Variants in FSD1L observed in about 807,000 individuals in gnomAD.
FSD1L encodes the protein FSD1-like protein.
In FSD1L, 45 loss-of-function variants were observed where a neutral mutation model predicts 71.6. The observed-to-expected ratio is 0.63, with a 90% confidence interval of 0.49 to 0.81. The LOEUF (loss-of-function observed/expected upper bound fraction) is 0.81. FSD1L is among the 30% of genes least tolerant of loss of function. FSD1L has a pLI of 0.00. For missense variants in FSD1L, 561 were observed against 618.1 expected (o/e 0.91, Z 0.98); for synonymous variants, 197 against 207.2 (o/e 0.95, Z 0.42).
At chr9:105,503,054 T>C (rs1256589608) in intron 7 of FSD1L, among the ~76,000 whole-genome samples, 1 of 151,576 alleles carries the variant, frequency 6.6e-6, no homozygotes. Context: ...TAAATTTTTC[T>C]GATTTTTTTG....
intron 6 of FSD1L, among the ~76,000 whole-genome samples, chr9:105,482,267 A>G (rs1395118042): frequency 3.3e-5 from 5 of 152,202 alleles, no homozygotes; most frequent in Non-Finnish European, 1.5e-5. Flanking sequence ...ATAATAGCAC[A>G]TCTCTATAAC....
At position 105,545,616 on chromosome 9, in the gene FSD1L, G is replaced by C. The variant is rs148716833; in HGVS notation, c.1468-742G>C. Among the ~76,000 whole-genome samples the C allele has an allele frequency of 2.7e-4, 41 of 151,802 alleles. No homozygotes were observed. In the East Asian group the frequency reaches 7.9e-3, roughly 29 times the overall value. The stretch of plus-strand genomic sequence containing the variant: ...ATGTACCGTCAATACCTAATTTATT[G>C]AGAGTTTTTAGCATGAAGGGCTGTC... On this transcript the variant is annotated intron_variant, in intron 13 of 13. Transcript: ENST00000481272.
chr9:105,535,339 G>GT, intron 12 of FSD1L, 21 bp downstream of exon 12: 1 of 1,550,084 alleles, frequency 6.5e-7, no homozygotes, highest in Non-Finnish European at 8.7e-7. Flanking sequence ...TTTCTCGTAG[G>GT]TTATTTCATC....
At chr9:105,505,174 TC>T (rs1833979421) in intron 7 of FSD1L, among the ~76,000 whole-genome samples, 1 of 152,236 alleles carries the variant, frequency 6.6e-6, no homozygotes, top group Non-Finnish European at 1.5e-5. Flanking sequence ...TCCTTTCTGT[TC>T]CGCTTATTCA....
chr9:105,460,661 C>A (rs1351887816), intron 1 of FSD1L, among the ~76,000 whole-genome samples: 1 of 150,232 alleles, frequency 6.7e-6, no homozygotes, highest in Non-Finnish European at 1.5e-5. Context: ...GCGATAGTAT[C>A]ATAGAAAATG....
chr9:105,468,285 T>C lies in FSD1L; in HGVS notation c.300T>C (p.Cys100=), dbSNP rs1831205923. 6.7e-7 allele frequency: 1 copy of C among 1,492,610 alleles called. No individual in the cohort carries two copies. Among genetic ancestry groups the C allele is most frequent in the South Asian group, 1.4e-5 (1 of 72,526 alleles). The allele number at this position is 1,492,610 out of a possible 1,614,324, so 92.5% of individuals were successfully genotyped here. The change falls in exon 4 of 14, where the codon TGT becomes TGC. Residue 100 remains cysteine (C), a synonymous_variant. Coordinates refer to ENST00000481272, the MANE Select transcript of FSD1L (RefSeq NM_001145313.3). ...AAGTAAAAGAAAGTATGATTAACTG[T>C]ATCAAGCAGGAACAAGCTCGTAAAT... ...LDEVKESMIN[C]IKQEQARKSQ...
intron 4 of FSD1L, among the ~76,000 whole-genome samples, chr9:105,471,298 C>T (rs1300616109): frequency 1.3e-5 from 2 of 152,170 alleles, no homozygotes; most frequent in African/African-American, 4.8e-5. Context: ...TCAGTTACCT[C>T]TCAGTTCCTA....
intron 8 of FSD1L, among the ~76,000 whole-genome samples, chr9:105,507,016 A>ATT (rs1288384797): frequency 6.6e-6 from 1 of 152,180 alleles, no homozygotes; most frequent in African/African-American, 2.4e-5. Context: ...ACTTTTGGAC[A>ATT]TTTGTAACAT....
chr9:105,472,246 G>T, intron 5 of FSD1L: 1 of 401,340 alleles, frequency 2.5e-6, no homozygotes. Flanking sequence ...TCTATGAGCT[G>T]CTTGGGAAAG....
intron 7 of FSD1L, among the ~76,000 whole-genome samples, chr9:105,495,353 A>G (rs941151852): frequency 6.6e-6 from 1 of 152,182 alleles, no homozygotes; most frequent in Non-Finnish European, 1.5e-5. Context: ...GCCCGTCGGA[A>G]AAGTGCAGTA....
intron 7 of FSD1L, among the ~76,000 whole-genome samples, chr9:105,498,825 T>C (rs1833588684): frequency 6.6e-6 from 1 of 152,190 alleles, no homozygotes; most frequent in Admixed American, 6.5e-5. Context: ...GGTTTCGCCA[T>C]GTTGGCCAAG....
chr9:105,525,316 G>A (rs1031187393), intron 10 of FSD1L: 2 of 1,607,284 alleles, frequency 1.2e-6, no homozygotes, highest in African/African-American at 1.3e-5. Flanking sequence ...GTATTTGGGT[G>A]TTACTAGTCC....
rs1412916023 is a variant in FSD1L at position 105,461,543 on chromosome 9, C to T, written c.39C>T (p.Asn13=). ...SQKYCFKENE[N]VTVDKACFLI... is the part of the protein sequence containing the mutation. Reference sequence around the variant, plus strand: ...AGTACTGCTTTAAGGAGAATGAAAACGTTACAGTTGATAAAGCCTGTTTTC... The same window carrying T: ...AGTACTGCTTTAAGGAGAATGAAAATGTTACAGTTGATAAAGCCTGTTTTC... Residue 13 remains asparagine (N), a synonymous_variant, in exon 2 of 14, where the codon AAC becomes AAT. Coordinates refer to ENST00000481272, the MANE Select transcript of FSD1L (RefSeq NM_001145313.3). The T allele has an allele frequency of 4.1e-5, 64 of 1,550,514 alleles. No individual in the cohort carries two copies. The East Asian group carries it at 1.0e-3, about 25-fold the overall frequency.
intron 10 of FSD1L, among the ~76,000 whole-genome samples, chr9:105,515,648 G>A (rs2131390757): frequency 6.6e-6 from 1 of 152,228 alleles, no homozygotes; most frequent in Admixed American, 6.5e-5. Context: ...GTGCACTCCG[G>A]TTCAGATACT....
rs950674870 is a variant in FSD1L, at chr9:105,550,002, T to A, written c.*3519T>A. The A allele has an allele frequency of 3.9e-5, 6 of 152,124 alleles. No homozygotes were observed. In the East Asian group the frequency reaches 5.8e-4, roughly 15 times the overall value. The allele number at this position is 152,124 out of a possible 1,614,324, so 9.4% of individuals were successfully genotyped here. A position where few individuals can be genotyped will look rare whatever the true frequency, so the allele number is the denominator to read the frequency against. The stretch of plus-strand genomic sequence containing the variant: ...TTATATTTTAAAATAATTATTTTTT[T>A]AAAAACGTAATTTGTTTTTAAAAGA... On this transcript the variant is annotated 3_prime_UTR_variant, in exon 14 of 14. Transcript: ENST00000481272.
At chr9:105,536,623 G>A (rs1324816691) in intron 12 of FSD1L, among the ~76,000 whole-genome samples, 1 of 151,748 alleles carries the variant, frequency 6.6e-6, no homozygotes, top group Non-Finnish European at 1.5e-5. Flanking sequence ...TTATGGTTTT[G>A]GTTTTTTTTG....
chr9:105,522,743 C>T (rs1032176808), intron 10 of FSD1L: 2 of 1,602,588 alleles, frequency 1.2e-6, no homozygotes, highest in African/African-American at 2.7e-5. Context: ...ATATTGGCAG[C>T]AGCAGTGCTA....
At chr9:105,523,444 T>C (rs550714810) in intron 10 of FSD1L, 449 of 1,607,608 alleles carry the variant, frequency 2.8e-4, no homozygotes, top group Non-Finnish European at 2.9e-4. Context: ...GCTACTGTAA[T>C]GTGGCGAAGA....
Position 105,520,362 on chromosome 9 carries a change from AG to A in FSD1L, c.1025+7427del. 3.3e-6 allele frequency: 4 copies of A among 1,214,484 alleles called. No individual in the cohort carries two copies. In the South Asian group the frequency reaches 5.2e-5, roughly 16 times the overall value. The allele number at this position is 1,214,484 out of a possible 1,614,324, so 75.2% of individuals were successfully genotyped here. The stretch of plus-strand genomic sequence containing the variant: ...AAGTGATGTTTATTTAGTGAAAAAA[AG>A]AATGCAGAATCTATTGATCTTAAAC... On this transcript the variant is annotated intron_variant, in intron 10 of 13. Coordinates refer to ENST00000481272, the MANE Select transcript of FSD1L (RefSeq NM_001145313.3).
Sources: allele counts gnomAD v4.1 joint callset (sites outside exome capture counted in the v4.1 genomes callset), GRCh38; gene constraint gnomAD v4.1.1; transcripts MANE v1.5; gene names NCBI Gene and HGNC (gene_info 2026-07-23, HGNC 2026-07-21).